SERGEF: variants seen among roughly 807,000 people sequenced by gnomAD.
The protein encoded by SERGEF is secretion regulating guanine nucleotide exchange factor, also known as secretion-regulating guanine nucleotide exchange factor.
In SERGEF, 51 loss-of-function variants were observed where a neutral mutation model predicts 50.0. The ratio of observed to expected loss-of-function variants is 1.02; its 90% CI spans 0.81 to 1.29. The LOEUF is 1.29. Among genes scored for constraint, SERGEF ranks in the 50% most tolerant of loss-of-function variants. SERGEF has a pLI of 0.00. For missense variants in SERGEF, 521 were observed against 557.0 expected (o/e 0.94, Z 0.65); for synonymous variants, 205 against 212.4 (o/e 0.97, Z 0.30).
At chr11:17,794,469 G>A (rs185108145) in intron 10 of SERGEF, among the ~76,000 whole-genome samples, 4 of 152,184 alleles carry the variant, frequency 2.6e-5, no homozygotes, top group East Asian at 3.8e-4. Context: ...GGCTCAGAGA[G>A]GTAAAGTAAT....
At chr11:17,968,495 A>T (rs1319198864) in intron 8 of SERGEF, among the ~76,000 whole-genome samples, 3 of 152,148 alleles carry the variant, frequency 2.0e-5, no homozygotes, top group African/African-American at 7.2e-5. Flanking sequence ...TGATCGCTTG[A>T]GTTTGAGACC....
intron 10 of SERGEF, among the ~76,000 whole-genome samples, chr11:17,870,958 C>G (rs1057250066): frequency 6.6e-6 from 1 of 152,084 alleles, no homozygotes; most frequent in Non-Finnish European, 1.5e-5. Flanking sequence ...AACAAAGGTA[C>G]CTCCACAATT....
chr11:17,895,462 C>T (rs1590182549), intron 9 of SERGEF, among the ~76,000 whole-genome samples: 1 of 152,300 alleles, frequency 6.6e-6, no homozygotes, highest in Non-Finnish European at 1.5e-5. Flanking sequence ...AGTCAGCAGA[C>T]TTAGGAGTGC....
chr11:18,007,885 A>G (rs1029636762), intron 2 of SERGEF, 56 bp downstream of exon 2: 18 of 1,522,202 alleles, frequency 1.2e-5, no homozygotes, highest in Non-Finnish European at 1.6e-5. Context: ...TATCATATCC[A>G]GGGGAAAACG....
chr11:17,980,833 G>T (rs1853482157), intron 8 of SERGEF, among the ~76,000 whole-genome samples: 1 of 151,950 alleles, frequency 6.6e-6, no homozygotes, highest in Non-Finnish European at 1.5e-5. Context: ...CTTAATCTTT[G>T]AATACATCCA....
At chr11:17,939,801 T>A (rs1350284580) in intron 9 of SERGEF, among the ~76,000 whole-genome samples, 2 of 152,232 alleles carry the variant, frequency 1.3e-5, no homozygotes, top group East Asian at 1.9e-4. Flanking sequence ...CCTGTCCAAC[T>A]GGCAGCAGAT....
intron 9 of SERGEF, among the ~76,000 whole-genome samples, chr11:17,958,914 G>A (rs1410550358): frequency 6.6e-6 from 1 of 152,052 alleles, no homozygotes; most frequent in Non-Finnish European, 1.5e-5. Context: ...CCCCCTCCAG[G>A]CTGGAGTGCA....
chr11:17,942,505 T>C (rs745704262), intron 9 of SERGEF, among the ~76,000 whole-genome samples: 1 of 152,194 alleles, frequency 6.6e-6, no homozygotes, highest in Non-Finnish European at 1.5e-5. Context: ...TAATAGTTAT[T>C]TTATAGATTT....
chr11:17,873,748 G>A (rs1726829876), intron 10 of SERGEF, among the ~76,000 whole-genome samples: 1 of 152,148 alleles, frequency 6.6e-6, no homozygotes, highest in Non-Finnish European at 1.5e-5. Flanking sequence ...TGTCTGGCAA[G>A]CCTGAGTGCT....
chr11:17,998,597 T>C (rs1853896049), intron 5 of SERGEF, among the ~76,000 whole-genome samples: 1 of 150,340 alleles, frequency 6.7e-6, no homozygotes, highest in African/African-American at 2.5e-5. Flanking sequence ...TGTATCCCCC[T>C]AAAATTCAGA....
At position 18,006,640 on chromosome 11, in the gene SERGEF, A is replaced by C; in HGVS notation, c.303T>G (p.Cys101Trp). 3.1e-6 allele frequency: 5 copies of C among 1,614,142 alleles called. No individual in the cohort carries two copies. Among genetic ancestry groups the C allele is most frequent in the Non-Finnish European group, 4.2e-6 (5 of 1,180,006 alleles). ...YFTPCKSLFG[C>W]PIQQVACGWD... is the part of the protein sequence containing the mutation. ...AGCCACAGGCCACCTGTTGGATGGG[A>C]CAGCCAAAGAGGGATTTGCAGGGGG... The change falls in exon 3 of 11, where the codon TGT (cysteine) becomes TGG (tryptophan). Residue 101 changes from cysteine to tryptophan, a missense_variant. Physicochemically the swap from Cys to Trp is radical, Grantham distance 215. Coordinates refer to ENST00000265965, the MANE Select transcript of SERGEF (RefSeq NM_012139.4).
intron 9 of SERGEF, among the ~76,000 whole-genome samples, chr11:17,896,714 G>GGGAAGGGTAAGGGAAGGGTAAC (rs1851640534): frequency 1.9e-5 from 1 of 51,848 alleles, no homozygotes; most frequent in Non-Finnish European, 4.7e-5. Context: ...GGAAGGGTAA[G>GGGAAGGGTAAGGGAAGGGTAAC]GGAAGGGTAA....
intron 9 of SERGEF, among the ~76,000 whole-genome samples, chr11:17,908,388 C>A (rs1851891101): frequency 6.6e-6 from 1 of 152,270 alleles, no homozygotes; most frequent in Middle Eastern, 3.4e-3. Flanking sequence ...CCCCAACCAC[C>A]ACCATCATCA....
chr11:17,921,326 GA>G (rs1235593273), intron 9 of SERGEF, among the ~76,000 whole-genome samples: 2 of 152,206 alleles, frequency 1.3e-5, no homozygotes, highest in African/African-American at 4.8e-5. Flanking sequence ...GATAATGAAA[GA>G]CTGAAGGAAG....
chr11:17,855,475 G>A (rs909986236), intron 10 of SERGEF: 2 of 152,142 alleles, frequency 1.3e-5, no homozygotes, highest in Non-Finnish European at 2.9e-5. Flanking sequence ...AGGGATGCCT[G>A]AAATCTCAGA....
intron 3 of SERGEF, among the ~76,000 whole-genome samples, chr11:18,004,945 A>G (rs1383872467): frequency 6.6e-6 from 1 of 152,090 alleles, no homozygotes; most frequent in Non-Finnish European, 1.5e-5. Context: ...AGTTTAGGAG[A>G]TGGGACAGGA....
intron 10 of SERGEF, among the ~76,000 whole-genome samples, chr11:17,875,363 C>CA (rs1472481357): frequency 3.9e-5 from 6 of 152,350 alleles, no homozygotes; most frequent in Non-Finnish European, 5.9e-5. Flanking sequence ...TTAGCATCAC[C>CA]AGCCTGGCTG....
At chr11:17,813,523 G>C (rs957518833) in intron 10 of SERGEF, among the ~76,000 whole-genome samples, 6 of 152,216 alleles carry the variant, frequency 3.9e-5, no homozygotes, top group African/African-American at 9.7e-5. Context: ...ATCACCTGCA[G>C]AGTATAAATC....
At chr11:17,977,443 C>T (rs1180411458) in intron 8 of SERGEF, among the ~76,000 whole-genome samples, 1 of 152,082 alleles carries the variant, frequency 6.6e-6, no homozygotes, top group Non-Finnish European at 1.5e-5. Context: ...TCTCAGTGGG[C>T]TTTATACCAC....
Sources: gnomAD v4.1 joint callset for allele counts (sites outside exome capture counted in the v4.1 genomes callset) on GRCh38, gnomAD v4.1.1 for gene constraint, MANE v1.5 for transcripts, NCBI Gene and HGNC (gene_info 2026-07-23, HGNC 2026-07-21) for gene names.